The following NUAK1 variants were observed in gnomAD, a reference collection of about 807,000 sequenced individuals.
NUAK1 encodes the protein NUAK family kinase 1, also known as NUAK family SNF1-like kinase 1.
Under a neutral mutation model 56.9 loss-of-function variants are expected in NUAK1, and 26 were observed. The ratio of observed to expected loss-of-function variants is 0.46; its 90% confidence interval spans 0.33 to 0.63. NUAK1 has a LOEUF of 0.63. Ranked by LOEUF, NUAK1 falls within the 30% of genes least tolerant of loss-of-function variation. NUAK1 has a pLI of 0.02. For synonymous variants in NUAK1, 337 were observed against 336.0 expected, an observed-to-expected ratio of 1.00 and a Z score of -0.03; for missense variants, 727 against 876.1, an observed-to-expected ratio of 0.83 and a Z score of 2.15.
intron 1 of NUAK1, among the ~76,000 whole-genome samples, chr12:106,114,958 T>C (rs532548452): frequency 6.6e-6 from 1 of 152,372 alleles, no homozygotes; most frequent in South Asian, 2.1e-4. Flanking sequence ...CACATAGCTA[T>C]GCCAGAGACG....
chr12:106,130,473 T>C (rs2136484754), intron 1 of NUAK1, among the ~76,000 whole-genome samples: 1 of 152,356 alleles, frequency 6.6e-6, no homozygotes, highest in East Asian at 1.9e-4. Flanking sequence ...TATTGCTAGA[T>C]TGAAAAGAAG....
intron 1 of NUAK1, among the ~76,000 whole-genome samples, chr12:106,111,860 G>C (rs1344944256): frequency 6.8e-6 from 1 of 147,258 alleles, no homozygotes; most frequent in Non-Finnish European, 1.5e-5. Context: ...TGAGAACATT[G>C]AGGCCAGGAA....
At chr12:106,097,520 C>A (rs2032707039) in intron 2 of NUAK1, among the ~76,000 whole-genome samples, 1 of 152,186 alleles carries the variant, frequency 6.6e-6, no homozygotes, top group Admixed American at 6.5e-5. Context: ...TCCCTGCCTT[C>A]AAAAGAACCT....
chr12:106,131,138 C>T (rs79253116), intron 1 of NUAK1, among the ~76,000 whole-genome samples: 3,625 of 152,212 alleles, frequency 0.024, 137 homozygotes, highest in African/African-American at 0.083. Context: ...AGGCTTCCAC[C>T]CCTTTCCCAC....
At chr12:106,099,884 G>A (rs528345582) in intron 2 of NUAK1, among the ~76,000 whole-genome samples, 6 of 151,492 alleles carry the variant, frequency 4.0e-5, no homozygotes, top group East Asian at 2.0e-4. Context: ...TCCACCTTCC[G>A]GGTTCAAGTG....
intron 4 of NUAK1, 110 bp from the exon 5 acceptor site, chr12:106,072,953 G>C: frequency 7.7e-7 from 1 of 1,293,412 alleles, no homozygotes; most frequent in South Asian, 1.4e-5. Context: ...CACCTGGGTG[G>C]GTCTGCTGGC....
At chr12:106,130,131 G>A (rs1448124810) in intron 1 of NUAK1, among the ~76,000 whole-genome samples, 2 of 152,068 alleles carry the variant, frequency 1.3e-5, no homozygotes, top group African/African-American at 2.4e-5. Context: ...ACAGGCATGC[G>A]CCACCACGCC....
chr12:106,122,247 A>G (rs1424716170), intron 1 of NUAK1, among the ~76,000 whole-genome samples: 1 of 152,212 alleles, frequency 6.6e-6, no homozygotes, highest in Non-Finnish European at 1.5e-5. Context: ...CCAAGCAACT[A>G]GCAGAAAAGG....
Position 106,072,795 on chromosome 12 carries a change from G to C in NUAK1, c.628C>G (p.Gln210Glu), listed in dbSNP as rs753998943. ...SNLYQKDKFL[Q>E]TFCGSPLYAS... ...TAGAGTGGACTCCCACAAAACGTTT[G>C]TAAGAACTTATCCTTCTGGTACAGG... is the stretch of plus-strand genomic sequence containing the variant. Residue 210 changes from glutamine (Q) to glutamate (E), a missense_variant, in exon 5 of 7, where the codon CAA becomes GAA. Transcript: ENST00000261402. The C allele has an allele frequency of 5.6e-6, 9 of 1,613,976 alleles. No homozygotes were observed. Among genetic ancestry groups the C allele is most frequent in the Non-Finnish European group, 7.6e-6 (9 of 1,179,918 alleles).
rs2033148658 is a variant in NUAK1, at chr12:106,138,296, A to G, written c.240+118T>C. On this transcript the variant is annotated intron_variant, in intron 1 of 6. Coordinates refer to ENST00000261402, the MANE Select transcript of NUAK1 (RefSeq NM_014840.3). This position sits in a 1 kb window ranked among gnomAD's most constrained non-coding sequence, Gnocchi z 5.0. ...GAGGAGTCTGTCTCGGGGCTTCCCA[A>G]TGAGCCCCCTCTCTGTCAAGAGAGC... is the stretch of plus-strand genomic sequence containing the variant. 2.2e-6 allele frequency: 3 copies of G among 1,364,386 alleles called. No homozygotes were observed. Among genetic ancestry groups the G allele is most frequent in the African/African-American group, 1.5e-5 (1 of 67,962 alleles). 84.5% of individuals were successfully genotyped at this position (1,364,386 alleles called of 1,614,324 possible). A position where few individuals can be genotyped will look rare whatever the true frequency, so the allele number is the denominator to read the frequency against.
chr12:106,074,809 G>A (rs912334936), intron 4 of NUAK1, among the ~76,000 whole-genome samples: 7 of 152,134 alleles, frequency 4.6e-5, no homozygotes, highest in African/African-American at 1.7e-4. Context: ...GAAAGCAGCT[G>A]GTGTACAACC....
At position 106,065,427 on chromosome 12, in the gene NUAK1, C is replaced by G. The variant is rs764933845; in HGVS notation, c.*1375G>C. The G allele has an allele frequency of 6.6e-6, 1 of 152,098 alleles. No homozygotes were observed. The highest frequency in any genetic ancestry group is 1.5e-5 in the Non-Finnish European group (1 of 68,020). The allele number at this position is 152,098 out of a possible 1,614,324, so 9.4% of individuals were successfully genotyped here. A position where few individuals can be genotyped will look rare whatever the true frequency, so the allele number is the denominator to read the frequency against. On this transcript the variant is annotated 3_prime_UTR_variant, in exon 7 of 7. Transcript: ENST00000261402. The stretch of plus-strand genomic sequence containing the variant: ...CCTCTCTTACATGCTTCCTCCCAAC[C>G]CCCTGCACTCTTTCAACACCTTATT...
At position 106,086,731 on chromosome 12, in the gene NUAK1, T is replaced by C; in HGVS notation, c.513+3A>G. The C allele has an allele frequency of 6.2e-7, 1 of 1,608,186 alleles. No homozygotes were observed. The highest frequency in any genetic ancestry group is 8.5e-7 in the Non-Finnish European group (1 of 1,175,070). On this transcript the variant is annotated splice_donor_region_variant and intron_variant, in intron 3 of 6. Transcript: ENST00000261402. ...CAAAGCTGCGGGCCAGGCGCAGCCA[T>C]ACCTTGTGACAATAGTGCACAGCAG...
In NUAK1 at chr12:106,075,286, AACACAC is replaced by A. The variant is rs370123170; in HGVS notation, c.580-2449_580-2444del. Reference sequence around the variant, plus strand: ...CTTCGATGGGAAAGCAGTATTAATCAACACACACACACACACACACACACACACACA... The same window carrying A: ...CTTCGATGGGAAAGCAGTATTAATCAACACACACACACACACACACACACA... On this transcript the variant is annotated intron_variant, in intron 4 of 6. Coordinates refer to ENST00000261402, the MANE Select transcript of NUAK1 (RefSeq NM_014840.3). 7.6e-4 allele frequency among the ~76,000 whole-genome samples: 102 copies of A among 134,006 alleles called. 1 individual carries two copies. In the East Asian group the frequency reaches 0.018, roughly 23 times the overall value. 87.9% of individuals were successfully genotyped at this position (134,006 alleles called of 152,430 possible). A position where few individuals can be genotyped will look rare whatever the true frequency, so the allele number is the denominator to read the frequency against.
intron 2 of NUAK1, among the ~76,000 whole-genome samples, chr12:106,097,270 A>G (rs1016382265): frequency 6.6e-6 from 1 of 152,216 alleles, no homozygotes; most frequent in African/African-American, 2.4e-5. Context: ...GCCTACGTGG[A>G]TGACAAATTT....
rs1050768453 is a variant in NUAK1, at chr12:106,138,307, C to G, written c.240+107G>C. ...CTCGGGGCTTCCCAATGAGCCCCCT[C>G]TCTGTCAAGAGAGCCCCAGGGCGCA... On this transcript the variant is annotated intron_variant, in intron 1 of 6. Coordinates refer to ENST00000261402, the MANE Select transcript of NUAK1 (RefSeq NM_014840.3). This position sits in a 1 kb window ranked among gnomAD's most constrained non-coding sequence, Gnocchi z 5.0. 7.0e-7 allele frequency: 1 copy of G among 1,421,186 alleles called. No individual in the cohort carries two copies. Among genetic ancestry groups the G allele is most frequent in the Non-Finnish European group, 9.3e-7 (1 of 1,079,900 alleles). 88.0% of individuals were successfully genotyped at this position (1,421,186 alleles called of 1,614,324 possible).
chr12:106,081,806 A>C (rs2032520311), intron 4 of NUAK1, among the ~76,000 whole-genome samples: 2 of 152,358 alleles, frequency 1.3e-5, no homozygotes, highest in Admixed American at 6.5e-5. Flanking sequence ...CCTAGGCAAG[A>C]GGCTTACATT....
chr12:106,126,869 G>A (rs929027375), intron 1 of NUAK1, among the ~76,000 whole-genome samples: 2 of 152,202 alleles, frequency 1.3e-5, no homozygotes, highest in African/African-American at 4.8e-5. Flanking sequence ...CCTGAGAGCA[G>A]AGGCAGCCAG....
At position 106,066,838 on chromosome 12, in the gene NUAK1, G is replaced by C. The variant is rs779341973; in HGVS notation, c.1950C>G (p.Tyr650Ter). 3 of 1,613,956 alleles carry C rather than the reference G, an allele frequency of 1.9e-6. No individual in the cohort carries two copies. The South Asian group carries it at 3.3e-5, about 18-fold the overall frequency. ...TGCTGCAGATCTCCAGCGCTTGCTT[G>C]TAGACCTGAGTCACATCATCCATGT... Reference protein sequence around the residue: ...LTDMDDVTQVYKQALEICSKL... With the variant: ...LTDMDDVTQV Residue 650 changes from tyrosine (Y) to a stop codon, truncating the protein, a stop_gained, in exon 7 of 7, where the codon TAC (tyrosine) becomes TAG (stop). Coordinates refer to ENST00000261402, the MANE Select transcript of NUAK1 (RefSeq NM_014840.3). LOFTEE classifies it high-confidence loss of function.
Sources: allele counts gnomAD v4.1 joint callset (sites outside exome capture counted in the v4.1 genomes callset), GRCh38; gene constraint gnomAD v4.1.1; non-coding constraint Gnocchi (gnomAD v3.1); transcripts MANE v1.5; gene names NCBI Gene and HGNC (gene_info 2026-07-23, HGNC 2026-07-21).